ZMAT4: variants seen among roughly 807,000 people sequenced by gnomAD.
ZMAT4 encodes the protein zinc finger matrin-type protein 4.
A neutral mutation model predicts 28.7 loss-of-function variants in ZMAT4; 17 were observed. That is an observed-to-expected ratio of 0.59 (90% CI 0.41 to 0.89). The LOEUF (loss-of-function observed/expected upper bound fraction) is 0.89, where lower values mean the gene tolerates loss of function less well. Ranked by LOEUF, ZMAT4 falls within the 40% of genes least tolerant of loss-of-function variation. ZMAT4 has a pLI of 0.00. For synonymous variants in ZMAT4, 117 were observed against 109.2 expected (o/e 1.07, Z -0.44); for missense variants, 240 against 283.8 (o/e 0.85, Z 1.11).
chr8:40,681,971 A>G (rs1037483360), intron 4 of ZMAT4, among the ~76,000 whole-genome samples: 5 of 152,178 alleles, frequency 3.3e-5, no homozygotes, highest in Non-Finnish European at 5.9e-5. Flanking sequence ...GTTTATATGT[A>G]TAATATCAAC....
chr8:40,740,649 A>G (rs975633920), intron 3 of ZMAT4, among the ~76,000 whole-genome samples: 5 of 152,208 alleles, frequency 3.3e-5, no homozygotes, highest in Non-Finnish European at 7.3e-5. Context: ...AAGAAATACT[A>G]ACTTTCAAGA....
At chr8:40,794,105 A>G (rs1015319391) in intron 2 of ZMAT4, among the ~76,000 whole-genome samples, 32 of 152,122 alleles carry the variant, frequency 2.1e-4, no homozygotes, top group African/African-American at 7.5e-4. Flanking sequence ...TTTTTTTTGG[A>G]AATTTTTGAA....
chr8:40,543,076 G>A (rs2118387744), intron 6 of ZMAT4, among the ~76,000 whole-genome samples: 1 of 152,136 alleles, frequency 6.6e-6, no homozygotes, highest in Middle Eastern at 3.4e-3. Context: ...CACAGATAGA[G>A]TGAATTCTAT....
At chr8:40,697,575 T>A (rs1809949964) in intron 3 of ZMAT4, among the ~76,000 whole-genome samples, 174 bp from the exon 4 acceptor site, 1 of 152,078 alleles carries the variant, frequency 6.6e-6, no homozygotes, top group Non-Finnish European at 1.5e-5. Context: ...ATTTTTTTAT[T>A]ATACTTTAAG....
chr8:40,669,317 T>C (rs1808572020), intron 5 of ZMAT4, among the ~76,000 whole-genome samples: 2 of 152,122 alleles, frequency 1.3e-5, no homozygotes, highest in African/African-American at 2.4e-5. Context: ...CCTTATATGA[T>C]ACAGATACTG....
intron 5 of ZMAT4, among the ~76,000 whole-genome samples, chr8:40,668,401 C>T (rs144871820): frequency 0.017 from 2,359 of 139,264 alleles, 56 homozygotes; most frequent in African/African-American, 0.06. Context: ...ACCCAGGAGG[C>T]GGAGGTTGCA....
At chr8:40,813,250 C>G (rs141266114) in intron 2 of ZMAT4, among the ~76,000 whole-genome samples, 1 of 152,054 alleles carries the variant, frequency 6.6e-6, no homozygotes, top group Non-Finnish European at 1.5e-5. Context: ...CATATCAAAC[C>G]TCATGAATTA....
chr8:40,847,505 G>C (rs944955743), intron 1 of ZMAT4, among the ~76,000 whole-genome samples: 1 of 152,192 alleles, frequency 6.6e-6, no homozygotes, highest in Admixed American at 6.5e-5. Context: ...GTTTCAGCCA[G>C]GTGCGCTGAG....
chr8:40,628,904 A>G (rs1004904353), intron 5 of ZMAT4, among the ~76,000 whole-genome samples: 1 of 152,184 alleles, frequency 6.6e-6, no homozygotes. Flanking sequence ...ATAGATGTAA[A>G]GAGACACCAT....
At chr8:40,832,797 T>G (rs2150619049) in intron 1 of ZMAT4, among the ~76,000 whole-genome samples, 1 of 152,298 alleles carries the variant, frequency 6.6e-6, no homozygotes, top group South Asian at 2.1e-4. Flanking sequence ...AAAAAGCAAT[T>G]GAACTTGTTT....
At chr8:40,656,455 A>G (rs1807926160) in intron 5 of ZMAT4, among the ~76,000 whole-genome samples, 1 of 152,190 alleles carries the variant, frequency 6.6e-6, no homozygotes, top group Non-Finnish European at 1.5e-5. Flanking sequence ...TATATTCAAG[A>G]GAACTGATAG....
At chr8:40,853,329 G>C (rs1391698007) in intron 1 of ZMAT4, among the ~76,000 whole-genome samples, 1 of 152,154 alleles carries the variant, frequency 6.6e-6, no homozygotes, top group African/African-American at 2.4e-5. Flanking sequence ...GGCCGAGCCA[G>C]GTGAACCATG....
rs796832028 is a variant in ZMAT4, at chr8:40,727,505, G to A, written c.193-30104C>T. ...TAAGTGGATGTATTTCTCCCGTGAAGCTTATAGATTAGCTGAAATGAGTGG... is the reference window on the plus strand; with the variant it reads ...TAAGTGGATGTATTTCTCCCGTGAAACTTATAGATTAGCTGAAATGAGTGG... On this transcript the variant is annotated intron_variant, in intron 3 of 6. Transcript: ENST00000297737. Among the ~76,000 whole-genome samples, 7 of 152,312 alleles carry A rather than the reference G, an allele frequency of 4.6e-5. 1 individual carries two copies. Among genetic ancestry groups the A allele is most frequent in the African/African-American group, 1.7e-4 (7 of 41,582 alleles).
chr8:40,850,163 C>T (rs2150634500), intron 1 of ZMAT4, among the ~76,000 whole-genome samples: 1 of 152,256 alleles, frequency 6.6e-6, no homozygotes, highest in Admixed American at 6.5e-5. Flanking sequence ...ATCTCACAAT[C>T]CATTCTTCAT....
At chr8:40,802,084 T>A (rs1814873823) in intron 2 of ZMAT4, among the ~76,000 whole-genome samples, 1 of 152,216 alleles carries the variant, frequency 6.6e-6, no homozygotes, top group East Asian at 1.9e-4. Flanking sequence ...TTCTCAATAT[T>A]ATAAAGAACA....
intron 5 of ZMAT4, among the ~76,000 whole-genome samples, chr8:40,631,065 G>T (rs1806559679): frequency 6.6e-6 from 1 of 151,932 alleles, no homozygotes; most frequent in African/African-American, 2.4e-5. Flanking sequence ...CATTTCAAGT[G>T]CTCAATAGCA....
chr8:40,890,882 G>C (rs983072697), intron 1 of ZMAT4, among the ~76,000 whole-genome samples: 6 of 151,866 alleles, frequency 4.0e-5, no homozygotes, highest in African/African-American at 1.2e-4. Flanking sequence ...CCACCTGATG[G>C]TACCTATTCA....
chr8:40,871,864 AC>A (rs1403867611), intron 1 of ZMAT4, among the ~76,000 whole-genome samples: 1 of 152,074 alleles, frequency 6.6e-6, no homozygotes, highest in Non-Finnish European at 1.5e-5. Context: ...TTGACAAACT[AC>A]CTCCTGATGA....
chr8:40,854,152 C>A (rs113915285), intron 1 of ZMAT4, among the ~76,000 whole-genome samples: 42 of 152,252 alleles, frequency 2.8e-4, no homozygotes, highest in African/African-American at 9.4e-4. Context: ...CCAGGCGCCA[C>A]CTCCAATACC....
Sources: gnomAD v4.1 joint callset for allele counts (sites outside exome capture counted in the v4.1 genomes callset) on GRCh38, gnomAD v4.1.1 for gene constraint, MANE v1.5 for transcripts, NCBI Gene and HGNC (gene_info 2026-07-23, HGNC 2026-07-21) for gene names.